The following ZBTB46 variants were observed in gnomAD, a reference collection of about 807,000 sequenced individuals.
The protein encoded by ZBTB46 is zinc finger and BTB domain-containing protein 46.
In ZBTB46, 8 loss-of-function variants were observed where a neutral mutation model predicts 44.1. The observed-to-expected ratio is 0.18, with a 90% CI of 0.11 to 0.33. The LOEUF is 0.33. ZBTB46 is among the 10% of genes least tolerant of loss of function. The pLI is 1.00. For synonymous variants in ZBTB46, 409 were observed against 382.3 expected (o/e 1.07, Z -0.81); for missense variants, 651 against 847.7 (o/e 0.77, Z 2.88).
intron 1 of ZBTB46, among the ~76,000 whole-genome samples, chr20:63,796,774 G>A (rs2092607154): frequency 6.6e-6 from 1 of 152,020 alleles, no homozygotes; most frequent in African/African-American, 2.4e-5. Flanking sequence ...GCAGTGAGCC[G>A]AGATCATACC....
rs2092541826 is a variant in ZBTB46, at chr20:63,789,475, G to A, written c.937+346C>T. Among the ~76,000 whole-genome samples the A allele has an allele frequency of 2.0e-5, 3 of 152,164 alleles. 1 individual carries two copies. In the South Asian group the frequency reaches 6.2e-4, roughly 32 times the overall value. On this transcript the variant is annotated intron_variant, in intron 2 of 4. Coordinates refer to ENST00000245663, the MANE Select transcript of ZBTB46 (RefSeq NM_001369741.1). The stretch of plus-strand genomic sequence containing the variant: ...AGGGGAAGCCGACCCTGCAGGCCAC[G>A]CCCTCACCAGGGCTGAGGGGTCCCC...
chr20:63,808,042 G>A (rs2092692846), intron 1 of ZBTB46: 1 of 152,414 alleles, frequency 6.6e-6, no homozygotes, highest in Non-Finnish European at 1.5e-5. Context: ...GACACTCACG[G>A]AAGCTGAACG....
chr20:63,831,961 C>T (rs1286679757), upstream of ZBTB46, among the ~76,000 whole-genome samples: 3 of 152,116 alleles, frequency 2.0e-5, no homozygotes, highest in East Asian at 2.0e-4. Flanking sequence ...TCGGGGGCCT[C>T]GGCGCACCCG....
chr20:63,765,167 T>A (rs1046488878), intron 3 of ZBTB46, among the ~76,000 whole-genome samples: 2 of 152,024 alleles, frequency 1.3e-5, no homozygotes, highest in Non-Finnish European at 2.9e-5. Flanking sequence ...GGGGCAGTTG[T>A]ATGCAGAAGC....
intron 3 of ZBTB46, among the ~76,000 whole-genome samples, chr20:63,764,576 T>C (rs1252753954): frequency 1.3e-5 from 2 of 151,952 alleles, no homozygotes; most frequent in African/African-American, 2.4e-5. Flanking sequence ...ATCACTGTTG[T>C]TCTTCTGAAT....
rs1451445350 is a variant in ZBTB46, at chr20:63,752,063, G to A, written c.1398+623C>T. Among the ~76,000 whole-genome samples the A allele has an allele frequency of 6.6e-6, 1 of 152,058 alleles. No individual in the cohort carries two copies. Among genetic ancestry groups the A allele is most frequent in the African/African-American group, 2.4e-5 (1 of 41,402 alleles). On this transcript the variant is annotated intron_variant, in intron 4 of 4. Coordinates refer to ENST00000245663, the MANE Select transcript of ZBTB46 (RefSeq NM_001369741.1). This position sits in a 1 kb window ranked among gnomAD's most constrained non-coding sequence, Gnocchi z 5.6. ...GCTCCCCCTGCACCCTGCGCCTCGGGGTGGGCGTTCCAGGACTCCCCGAAC... is the reference window on the plus strand; with the variant it reads ...GCTCCCCCTGCACCCTGCGCCTCGGAGTGGGCGTTCCAGGACTCCCCGAAC...
Position 63,790,804 on chromosome 20 carries a change from A to C in ZBTB46, c.-33-14T>G. On this transcript the variant is annotated splice_polypyrimidine_tract_variant and intron_variant, in intron 1 of 4. Transcript: ENST00000245663. ...CTTCTACAGACTCTGTGGAGGTAAG[A>C]ACAAGAGTTACCCAAGCTCAGCACA... The C allele has an allele frequency of 6.6e-7, 1 of 1,525,136 alleles. No homozygotes were observed. Among genetic ancestry groups the C allele is most frequent in the Non-Finnish European group, 8.8e-7 (1 of 1,139,800 alleles). The allele number at this position is 1,525,136 out of a possible 1,614,324, so 94.5% of individuals were successfully genotyped here.
intron 2 of ZBTB46, among the ~76,000 whole-genome samples, chr20:63,781,660 T>C (rs1436410759): frequency 1.3e-5 from 2 of 151,914 alleles, no homozygotes; most frequent in Admixed American, 1.3e-4. Flanking sequence ...GGGGTGGTGC[T>C]GGGTGATTGT....
chr20:63,825,952 G>A (rs2092817311), intron 1 of ZBTB46, among the ~76,000 whole-genome samples: 1 of 152,202 alleles, frequency 6.6e-6, no homozygotes, highest in Admixed American at 6.5e-5. Context: ...GAGTAACGTG[G>A]GCCACGCGGT....
At chr20:63,830,248 CTCCCTCT>C (rs1349228347) in intron 1 of ZBTB46, among the ~76,000 whole-genome samples, 3 of 152,202 alleles carry the variant, frequency 2.0e-5, no homozygotes, top group Non-Finnish European at 4.4e-5. Flanking sequence ...AGCAGGAGCC[CTCCCTCT>C]GGCGCAGAGA....
At chr20:63,810,917 C>T (rs1231504130) in intron 1 of ZBTB46, among the ~76,000 whole-genome samples, 8 of 152,222 alleles carry the variant, frequency 5.3e-5, no homozygotes, top group Admixed American at 6.5e-5. Context: ...GCTCCAGCAG[C>T]AGAGCCGGAG....
rs35043743 is a variant in ZBTB46, at chr20:63,813,447, CAAAA to C, written c.-34+17646_-34+17649del. ...CTGGAGACAGAGCAAGACTCCATCT[CAAAA>C]AAAAAAAATAAATAAATAAATAAAA... On this transcript the variant is annotated intron_variant, in intron 1 of 4. Transcript: ENST00000245663. Among the ~76,000 whole-genome samples the C allele has an allele frequency of 4.2e-5, 6 of 141,554 alleles. No individual in the cohort carries two copies. The South Asian group carries it at 1.3e-3, about 31-fold the overall frequency. The allele number at this position is 141,554 out of a possible 152,430, so 92.9% of individuals were successfully genotyped here. A position where few individuals can be genotyped will look rare whatever the true frequency, so the allele number is the denominator to read the frequency against.
Position 63,800,038 on chromosome 20 carries a change from T to A in ZBTB46, c.-33-9248A>T, listed in dbSNP as rs2092631655. Among the ~76,000 whole-genome samples the A allele has an allele frequency of 3.3e-5, 5 of 152,096 alleles. No individual in the cohort carries two copies. In the South Asian group the frequency reaches 1.0e-3, roughly 32 times the overall value. On this transcript the variant is annotated intron_variant, in intron 1 of 4. Coordinates refer to ENST00000245663, the MANE Select transcript of ZBTB46 (RefSeq NM_001369741.1). ...AGCCAAGGTTTGGGAACAACCCGAA[T>A]GTCCAAATGTGCATCAACAGGTGAG...
intron 3 of ZBTB46, among the ~76,000 whole-genome samples, chr20:63,754,776 T>A (rs1424862704): frequency 6.6e-6 from 1 of 152,038 alleles, no homozygotes; most frequent in Non-Finnish European, 1.5e-5. Context: ...ATTTTTTGTA[T>A]TTTTAGTAGA....
At chr20:63,826,449 A>G (rs1289784485) in intron 1 of ZBTB46, among the ~76,000 whole-genome samples, 2 of 152,110 alleles carry the variant, frequency 1.3e-5, no homozygotes, top group African/African-American at 2.4e-5. Context: ...TTGGCTGGGC[A>G]CGGTGGCTCA....
chr20:63,806,737 T>C (rs2092683906), intron 1 of ZBTB46, among the ~76,000 whole-genome samples: 1 of 151,980 alleles, frequency 6.6e-6, no homozygotes, highest in Non-Finnish European at 1.5e-5. Context: ...GCCTCCCATG[T>C]AGCTGGGACT....
intron 3 of ZBTB46, among the ~76,000 whole-genome samples, chr20:63,758,589 C>T (rs537756673): frequency 1.3e-5 from 2 of 152,198 alleles, no homozygotes; most frequent in Admixed American, 1.3e-4. Context: ...CCCTTAGATC[C>T]CTATCCTAGA....
chr20:63,826,548 C>G (rs2092820347), intron 1 of ZBTB46, among the ~76,000 whole-genome samples: 1 of 149,006 alleles, frequency 6.7e-6, no homozygotes, highest in Admixed American at 6.7e-5. Flanking sequence ...TGGTGAAACC[C>G]CATCTCTACT....
rs2092100536 is a variant in ZBTB46 at position 63,747,177 on chromosome 20, C to G, written c.1523G>C (p.Gly508Ala). The change falls in exon 5 of 5, where the codon GGC becomes GCC. Residue 508 changes from glycine (G) to alanine (A), a missense_variant. Gly to Ala is a moderately conservative substitution (Grantham distance 60, BLOSUM62 0). Coordinates refer to ENST00000245663, the MANE Select transcript of ZBTB46 (RefSeq NM_001369741.1). ...HGVCTDCAGR[G>A]MAGPLDHGGG... is the part of the protein sequence containing the mutation. ...GCCATGGTCCAGGGGCCCGGCCATG[C>G]CGCGGCCAGCACAGTCGGTGCACAC... The G allele has an allele frequency of 6.2e-7, 1 of 1,608,462 alleles. No homozygotes were observed. The highest frequency in any genetic ancestry group is 1.3e-5 in the African/African-American group (1 of 74,678).
Sources: gnomAD v4.1 joint callset for allele counts (sites outside exome capture counted in the v4.1 genomes callset) on GRCh38, gnomAD v4.1.1 for gene constraint, Gnocchi (gnomAD v3.1) non-coding constraint, MANE v1.5 for transcripts, NCBI Gene and HGNC (gene_info 2026-07-23, HGNC 2026-07-21) for gene names.